The following XPNPEP1 variants were observed in gnomAD, a reference collection of about 807,000 sequenced individuals.
XPNPEP1 encodes xaa-Pro aminopeptidase 1.
Under a neutral mutation model 92.4 loss-of-function variants are expected in XPNPEP1, and 39 were observed. That is an observed-to-expected ratio of 0.42 (90% CI 0.33 to 0.55). The LOEUF (loss-of-function observed/expected upper bound fraction) is 0.55. XPNPEP1 is among the 20% of genes least tolerant of loss of function. The probability of loss-of-function intolerance (pLI) is 0.08; values close to 1 mark genes in which losing one functional copy is unlikely to be tolerated. For synonymous variants in XPNPEP1, 307 were observed against 299.4 expected, an observed-to-expected ratio of 1.03 and a Z score of -0.26; for missense variants, 654 against 856.1, an observed-to-expected ratio of 0.76 and a Z score of 2.95.
chr10:109,888,604 G>A lies in XPNPEP1; in HGVS notation c.416-9C>T. 6.3e-7 allele frequency: 1 copy of A among 1,588,156 alleles called. No individual in the cohort carries two copies. The highest frequency in any genetic ancestry group is 8.6e-7 in the Non-Finnish European group (1 of 1,164,568). ...TGGTGTGTCCTTCAGACCTACAGGG[G>A]GAAGAAATGATAAGAAACAATTCCC... On this transcript the variant is annotated splice_polypyrimidine_tract_variant and intron_variant, in intron 5 of 20. Coordinates refer to ENST00000502935, the MANE Select transcript of XPNPEP1 (RefSeq NM_020383.4).
At chr10:109,897,133 A>G (rs1443502686) in intron 3 of XPNPEP1, among the ~76,000 whole-genome samples, 1 of 152,226 alleles carries the variant, frequency 6.6e-6, no homozygotes, top group African/African-American at 2.4e-5. Flanking sequence ...AATGCAGGCC[A>G]CATGTTGCTA....
chr10:109,910,210 T>C (rs1475660666), intron 2 of XPNPEP1, among the ~76,000 whole-genome samples: 1 of 152,172 alleles, frequency 6.6e-6, no homozygotes, highest in Admixed American at 6.5e-5. Flanking sequence ...GTTAGAAACA[T>C]ACAATACATA....
intron 17 of XPNPEP1, 88 bp downstream of exon 17, chr10:109,871,704 G>A (rs1847487044): frequency 6.8e-7 from 1 of 1,469,788 alleles, no homozygotes; most frequent in South Asian, 1.2e-5. Context: ...CACAGTGAAG[G>A]AACGACATGT....
rs958397232 is a variant in XPNPEP1 at position 109,867,989 on chromosome 10, C to G, written c.1872+625G>C. 1.3e-5 allele frequency among the ~76,000 whole-genome samples: 2 copies of G among 152,188 alleles called. No individual in the cohort carries two copies. Among genetic ancestry groups the G allele is most frequent in the African/African-American group, 4.8e-5 (2 of 41,446 alleles). ...TCCCCAGGACTGCCATCTGACCTGG[C>G]CTTACCAGTCCAGGGTCTGAAGGAG... On this transcript the variant is annotated intron_variant, in intron 20 of 20. Transcript: ENST00000502935. The surrounding 1 kb of genome is among the most constrained non-coding windows in gnomAD (Gnocchi z 4.5).
intron 15 of XPNPEP1, among the ~76,000 whole-genome samples, chr10:109,875,307 G>C (rs1159218092): frequency 6.6e-6 from 1 of 152,168 alleles, no homozygotes; most frequent in Non-Finnish European, 1.5e-5. Flanking sequence ...TCCAGCCAAG[G>C]ACTGTAACAT....
At chr10:109,905,487 C>T (rs992259973) in intron 3 of XPNPEP1, among the ~76,000 whole-genome samples, 5 of 152,014 alleles carry the variant, frequency 3.3e-5, no homozygotes, top group East Asian at 1.9e-4. Context: ...GGATTACAGG[C>T]GTGAGCCACC....
intron 2 of XPNPEP1, among the ~76,000 whole-genome samples, chr10:109,912,160 A>G (rs1221343541): frequency 1.3e-5 from 2 of 152,102 alleles, no homozygotes; most frequent in South Asian, 4.1e-4. Context: ...CAGCTTTATC[A>G]GTCTCACTGA....
At chr10:109,898,844 T>G (rs991953487) in intron 3 of XPNPEP1, among the ~76,000 whole-genome samples, 1 of 152,218 alleles carries the variant, frequency 6.6e-6, no homozygotes, top group South Asian at 2.1e-4. Flanking sequence ...GCTGGTCACA[T>G]GCCGATGGAA....
At chr10:109,914,975 C>A in intron 2 of XPNPEP1, 36 bp downstream of exon 2, 2 of 1,407,958 alleles carry the variant, frequency 1.4e-6, no homozygotes, top group Non-Finnish European at 1.9e-6. Flanking sequence ...AAATCCTTTA[C>A]AGATGTTCCA....
At chr10:109,883,310 G>A (rs570172312) in intron 9 of XPNPEP1, among the ~76,000 whole-genome samples, 43 of 151,606 alleles carry the variant, frequency 2.8e-4, no homozygotes, top group African/African-American at 8.2e-4. Flanking sequence ...ATGGTTCCCC[G>A]CCCCTCCTCA....
chr10:109,867,473 C>G lies in XPNPEP1; in HGVS notation c.1872+1141G>C, dbSNP rs1417062272. ...AAGGGCACGGATGGTTAAGCAGAGG[C>G]GCTCAAGCACAGAGGAAAGCTAAGC... On this transcript the variant is annotated intron_variant, in intron 20 of 20. Transcript: ENST00000502935. The surrounding 1 kb of genome is among the most constrained non-coding windows in gnomAD (Gnocchi z 4.5). Among the ~76,000 whole-genome samples the G allele has an allele frequency of 6.6e-6, 1 of 152,212 alleles. No homozygotes were observed. Among genetic ancestry groups the G allele is most frequent in the East Asian group, 1.9e-4 (1 of 5,198 alleles).
At chr10:109,911,770 G>A (rs1849887075) in intron 2 of XPNPEP1, among the ~76,000 whole-genome samples, 1 of 152,180 alleles carries the variant, frequency 6.6e-6, no homozygotes, top group Admixed American at 6.5e-5. Context: ...GGCTTCAGGA[G>A]TTTTAAAATG....
intron 1 of XPNPEP1, among the ~76,000 whole-genome samples, chr10:109,915,831 TCA>T (rs1199142105): frequency 5.5e-4 from 84 of 152,326 alleles, no homozygotes; most frequent in African/African-American, 1.9e-3. Context: ...TTTCCCAGGC[TCA>T]GGTTACTAGC....
chr10:109,910,390 C>G (rs978417366), intron 2 of XPNPEP1, among the ~76,000 whole-genome samples: 1 of 151,938 alleles, frequency 6.6e-6, no homozygotes, highest in African/African-American at 2.4e-5. Flanking sequence ...ACTAAAAATA[C>G]AAAATTAGCT....
chr10:109,898,468 G>A (rs974203018), intron 3 of XPNPEP1, among the ~76,000 whole-genome samples: 6 of 152,212 alleles, frequency 3.9e-5, no homozygotes, highest in African/African-American at 1.4e-4. Context: ...ATTTGCTATA[G>A]TTTAAAGGAT....
At chr10:109,870,100 T>C in intron 18 of XPNPEP1, 71 bp from the exon 19 acceptor site, 1 of 1,526,074 alleles carries the variant, frequency 6.6e-7, no homozygotes, top group Middle Eastern at 1.7e-4. Context: ...AAACTTTCAC[T>C]CCTTGGATGA....
rs773944369 is a variant in XPNPEP1, at chr10:109,880,816, T to A, written c.1131+26A>T. On this transcript the variant is annotated intron_variant, in intron 11 of 20. Transcript: ENST00000502935. ...GGCCTTCTGACCACCTCACATCCCA[T>A]CTTCTGCACCAGCTCCTCTACTCAC... 3.1e-6 allele frequency: 5 copies of A among 1,611,052 alleles called. No homozygotes were observed. The East Asian group carries it at 8.9e-5, about 29-fold the overall frequency.
chr10:109,876,972 A>G (rs1847819512), intron 14 of XPNPEP1: 1 of 152,230 alleles, frequency 6.6e-6, no homozygotes, highest in Non-Finnish European at 1.5e-5. Flanking sequence ...ACCACGTGGT[A>G]AAAAAACCAC....
intron 20 of XPNPEP1, among the ~76,000 whole-genome samples, chr10:109,868,259 G>A (rs1282684757): frequency 6.6e-6 from 1 of 152,042 alleles, no homozygotes; most frequent in Non-Finnish European, 1.5e-5. Context: ...CATCCATCTG[G>A]CTTTTTGTAG....
Sources: allele counts gnomAD v4.1 joint callset (sites outside exome capture counted in the v4.1 genomes callset), GRCh38; gene constraint gnomAD v4.1.1; non-coding constraint Gnocchi (gnomAD v3.1); transcripts MANE v1.5; gene names NCBI Gene and HGNC (gene_info 2026-07-23, HGNC 2026-07-21).